Variants in CALHM4 observed in about 807,000 individuals in gnomAD.
CALHM4 encodes the protein calcium homeostasis modulator protein 4.
A neutral mutation model predicts 13.3 loss-of-function variants in CALHM4; 16 were observed. The ratio of observed to expected loss-of-function variants is 1.20; its 90% CI spans 0.81 to 1.82. The LOEUF (loss-of-function observed/expected upper bound fraction) is 1.82. Among genes scored for constraint, CALHM4 ranks in the 40% most tolerant of loss-of-function variants. The pLI is 0.00. For synonymous variants in CALHM4, 127 were observed against 137.1 expected, an observed-to-expected ratio of 0.93 and a Z score of 0.52; for missense variants, 344 against 374.9, an observed-to-expected ratio of 0.92 and a Z score of 0.68.
chr6:116,534,713 G>T (rs1772964385), intron 1 of CALHM4, among the ~76,000 whole-genome samples: 1 of 151,012 alleles, frequency 6.6e-6, no homozygotes. Flanking sequence ...TCATTTCCTT[G>T]ATTTTTTATT....
chr6:116,536,316 A>G (rs1389327817), intron 1 of CALHM4, among the ~76,000 whole-genome samples: 4 of 152,154 alleles, frequency 2.6e-5, no homozygotes, highest in Non-Finnish European at 5.9e-5. Context: ...ATTTCTTTTC[A>G]GACCACTAGA....
chr6:116,531,902 A>G (rs1202839100), intron 1 of CALHM4, among the ~76,000 whole-genome samples: 1 of 150,056 alleles, frequency 6.7e-6, no homozygotes, highest in Non-Finnish European at 1.5e-5. Flanking sequence ...ATTTTAAAAT[A>G]TAATATAATA....
intron 1 of CALHM4, among the ~76,000 whole-genome samples, chr6:116,531,422 G>A (rs923284054): frequency 6.6e-6 from 1 of 152,082 alleles, no homozygotes; most frequent in Non-Finnish European, 1.5e-5. Context: ...AATTATAAGA[G>A]CAGAACAAGC....
chr6:116,543,291 A>G (rs1773574783), intron 1 of CALHM4: 4 of 1,535,862 alleles, frequency 2.6e-6, no homozygotes, highest in Non-Finnish European at 3.5e-6. Flanking sequence ...AGAATGAAGG[A>G]CTTCCACTTA....
intron 1 of CALHM4, among the ~76,000 whole-genome samples, chr6:116,537,068 G>A (rs540158659): frequency 2.6e-5 from 4 of 152,302 alleles, no homozygotes; most frequent in Middle Eastern, 3.4e-3. Flanking sequence ...CATTTTGTTG[G>A]AGAAGTAAAA....
upstream of CALHM4, among the ~76,000 whole-genome samples, chr6:116,551,193 A>G (rs535836034): frequency 1.3e-5 from 2 of 152,320 alleles, no homozygotes; most frequent in South Asian, 4.1e-4. Flanking sequence ...AATTATTTAA[A>G]TGGCATTGGC....
At chr6:116,556,305 C>G (rs1025423100) in intron 1 of CALHM4, among the ~76,000 whole-genome samples, 1 of 152,126 alleles carries the variant, frequency 6.6e-6, no homozygotes, top group African/African-American at 2.4e-5. Context: ...GCTCATTTGT[C>G]TCCTTTTTTA....
intron 1 of CALHM4, chr6:116,543,489 A>G (rs1326516687): frequency 3.7e-6 from 4 of 1,075,008 alleles, no homozygotes; most frequent in Non-Finnish European, 5.3e-6. Context: ...GGTTTGAAGT[A>G]GCCTTAGAAG....
Position 116,554,276 on chromosome 6 carries a change from A to G in CALHM4, c.483A>G (p.Pro161=), listed in dbSNP as rs966665175. 15 of 1,550,576 alleles carry G rather than the reference A, an allele frequency of 9.7e-6. No homozygotes were observed. The highest frequency in any genetic ancestry group is 2.7e-5 in the African/African-American group (2 of 73,164). The stretch of plus-strand genomic sequence containing the variant: ...GAGAAGAGATCCTGGCTGGGTTTCC[A>G]TGTTGCAGATCAGCTCCTTCTGACG... ...SKREEILAGF[P]CCRSAPSDVI... is the part of the protein sequence containing the mutation. Residue 161 remains proline, a synonymous_variant, in exon 1 of 2, where the codon CCA becomes CCG. Transcript: ENST00000368596.
At chr6:116,551,322 C>T (rs912158857), upstream of CALHM4, among the ~76,000 whole-genome samples, 1 of 152,202 alleles carries the variant, frequency 6.6e-6, no homozygotes, top group Non-Finnish European at 1.5e-5. Flanking sequence ...CTCTTCTTAT[C>T]CCTACTTCCA....
chr6:116,529,206 G>C (rs1772547608), intron 1 of CALHM4: 1 of 152,190 alleles, frequency 6.6e-6, no homozygotes, highest in Non-Finnish European at 1.5e-5. Flanking sequence ...GAATGCCTGG[G>C]TTGCAAATCT....
At chr6:116,549,463 T>C (rs1285234700), upstream of CALHM4, among the ~76,000 whole-genome samples, 1 of 152,148 alleles carries the variant, frequency 6.6e-6, no homozygotes, top group Non-Finnish European at 1.5e-5. Flanking sequence ...AGTGATCAAG[T>C]TAGGGCATTT....
rs1774531346 is a variant in CALHM4, at chr6:116,560,398, A to G, written c.*2187A>G. 6.6e-6 allele frequency among the ~76,000 whole-genome samples: 1 copy of G among 152,220 alleles called. No individual in the cohort carries two copies. The highest frequency in any genetic ancestry group is 6.5e-5 in the Admixed American group (1 of 15,284). On this transcript the variant is annotated 3_prime_UTR_variant, in exon 2 of 2. Transcript: ENST00000368596. ...CTAATACCAGGAAACTATTTCCACT[A>G]GCTTCTGAAGCCCTTCTACATCAAA...
chr6:116,544,151 A>T (rs1366584477), intron 2 of CALHM4, among the ~76,000 whole-genome samples: 1 of 132,918 alleles, frequency 7.5e-6, no homozygotes, highest in African/African-American at 2.7e-5. Context: ...AAAGGTGAAG[A>T]AGAGAGAGAG....
At chr6:116,547,010 G>C (rs1773821248) in intron 2 of CALHM4, among the ~76,000 whole-genome samples, 1 of 152,094 alleles carries the variant, frequency 6.6e-6, no homozygotes, top group South Asian at 2.1e-4. Flanking sequence ...TGTAATCATG[G>C]CCATTTTACA....
rs1773356170 is a variant in CALHM4 at position 116,540,282 on chromosome 6, C to T, written c.-108-3483C>T. On this transcript the variant is annotated intron_variant, in intron 1 of 2. Transcript: ENST00000368597. ...ACAATGAATGCAGATGGAACCTGTC[C>T]AATCTGAACAGAAAACCACCATACT... is the stretch of plus-strand genomic sequence containing the variant. 22 of 1,325,378 alleles carry T rather than the reference C, an allele frequency of 1.7e-5. 1 individual carries two copies. The South Asian group carries it at 2.4e-4, about 15-fold the overall frequency. 82.1% of individuals were successfully genotyped at this position (1,325,378 alleles called of 1,614,324 possible).
chr6:116,541,094 C>T (rs1773421115), intron 1 of CALHM4, among the ~76,000 whole-genome samples: 1 of 152,066 alleles, frequency 6.6e-6, no homozygotes, highest in African/African-American at 2.4e-5. Flanking sequence ...ATTATCTCCA[C>T]CCCGAGAAAA....
intron 1 of CALHM4, among the ~76,000 whole-genome samples, chr6:116,532,380 G>A (rs994799065): frequency 6.6e-6 from 1 of 152,182 alleles, no homozygotes; most frequent in African/African-American, 2.4e-5. Flanking sequence ...GGAATTACAG[G>A]CGTGAGCCAC....
At chr6:116,553,740 GGA>G, upstream of CALHM4, 1 of 1,467,382 alleles carries the variant, frequency 6.8e-7, no homozygotes, top group Non-Finnish European at 9.2e-7. Context: ...TATAGCTGGT[GGA>G]GTCTAATGAT....
Sources: allele counts gnomAD v4.1 joint callset (sites outside exome capture counted in the v4.1 genomes callset), GRCh38; gene constraint gnomAD v4.1.1; transcripts MANE v1.5; gene names NCBI Gene and HGNC (gene_info 2026-07-23, HGNC 2026-07-21).